MAGI2: variants seen among roughly 807,000 people sequenced by gnomAD.
MAGI2 encodes membrane associated guanylate kinase, WW and PDZ domain containing 2, also known as membrane-associated guanylate kinase, WW and PDZ domain-containing protein 2.
MAGI2 carries 35 observed loss-of-function variants against 133.3 expected under a neutral mutation model. The ratio of observed to expected loss-of-function variants is 0.26; its 90% CI spans 0.20 to 0.35. MAGI2 has a LOEUF of 0.35. MAGI2 is among the 10% of genes least tolerant of loss of function. The probability of loss-of-function intolerance (pLI) is 1.00; values close to 1 mark genes in which losing one functional copy is unlikely to be tolerated. For synonymous variants in MAGI2, 729 were observed against 710.6 expected (o/e 1.03, Z -0.41); for missense variants, 1,636 against 1,863.4 (o/e 0.88, Z 2.25).
chr7:78,297,246 C>T (rs1177609953), intron 9 of MAGI2, among the ~76,000 whole-genome samples: 1 of 152,062 alleles, frequency 6.6e-6, no homozygotes, highest in Admixed American at 6.6e-5. Flanking sequence ...CATCACTGGC[C>T]ATCAGAGAAA....
intron 2 of MAGI2, among the ~76,000 whole-genome samples, chr7:78,922,342 C>T (rs960776373): frequency 1.3e-5 from 2 of 151,814 alleles, no homozygotes; most frequent in African/African-American, 4.8e-5. Flanking sequence ...TCCCTCCCCC[C>T]TGCCCCCACC....
chr7:78,091,277 C>G (rs1375686230), intron 20 of MAGI2, among the ~76,000 whole-genome samples: 1 of 151,964 alleles, frequency 6.6e-6, no homozygotes, highest in Non-Finnish European at 1.5e-5. Context: ...GTTTTTGGGT[C>G]ATGAATGGGT....
Position 79,007,092 on chromosome 7 carries a change from G to T in MAGI2, c.416C>A (p.Pro139Gln). The T allele has an allele frequency of 6.3e-7, 1 of 1,597,908 alleles. No homozygotes were observed. The highest frequency in any genetic ancestry group is 1.3e-5 in the African/African-American group (1 of 74,142). Residue 139 changes from proline to glutamine, a missense_variant and splice_region_variant, in exon 2 of 22, where the codon CCA becomes CAA. Pro to Gln is a moderately conservative substitution (Grantham distance 76). Coordinates refer to ENST00000354212, the MANE Select transcript of MAGI2 (RefSeq NM_012301.4). ...IRDNLYLRTV[P>Q]CTTRPHKEGE... ...TTAATACTGCCCATTGTACTCACATGGCACCGTGCGGAGGTAGAGGTTGTC... is the reference window on the plus strand; with the variant it reads ...TTAATACTGCCCATTGTACTCACATTGCACCGTGCGGAGGTAGAGGTTGTC...
intron 2 of MAGI2, among the ~76,000 whole-genome samples, chr7:78,826,382 A>G (rs1790652471): frequency 6.6e-6 from 1 of 151,452 alleles, no homozygotes; most frequent in Non-Finnish European, 1.5e-5. Flanking sequence ...AGAGTATATT[A>G]ATAAGTAAAA....
chr7:79,433,770 A>G (rs1351566333), intron 1 of MAGI2, among the ~76,000 whole-genome samples: 6 of 152,304 alleles, frequency 3.9e-5, no homozygotes, highest in African/African-American at 1.4e-4. Flanking sequence ...CAAGTTCAGC[A>G]TTAAAAAATG....
chr7:79,373,093 C>A (rs1048180218), intron 1 of MAGI2, among the ~76,000 whole-genome samples: 1 of 151,924 alleles, frequency 6.6e-6, no homozygotes, highest in African/African-American at 2.4e-5. Flanking sequence ...GAATTTGCAA[C>A]TGAAATATTA....
chr7:78,392,851 C>G (rs779088317), intron 6 of MAGI2, among the ~76,000 whole-genome samples: 1 of 151,974 alleles, frequency 6.6e-6, no homozygotes, highest in African/African-American at 2.4e-5. Flanking sequence ...CCATGTTGGT[C>G]GGGCTGGTTT....
chr7:79,177,895 G>A (rs1489708930), intron 1 of MAGI2, among the ~76,000 whole-genome samples: 1 of 152,014 alleles, frequency 6.6e-6, no homozygotes, highest in Non-Finnish European at 1.5e-5. Flanking sequence ...ATTTCACAGC[G>A]TGTATGCGGT....
intron 9 of MAGI2, among the ~76,000 whole-genome samples, chr7:78,289,322 G>A (rs1335311962): frequency 6.6e-6 from 1 of 152,162 alleles, no homozygotes; most frequent in African/African-American, 2.4e-5. Flanking sequence ...ACAAGCTTCA[G>A]TAGCTGATTC....
At chr7:78,573,053 A>ATG (rs1801699818) in intron 3 of MAGI2, among the ~76,000 whole-genome samples, 1 of 100,330 alleles carries the variant, frequency 1.0e-5, no homozygotes, top group African/African-American at 4.0e-5. Context: ...ATATATATAT[A>ATG]TATATATATA....
At chr7:79,165,823 A>T (rs187240825) in intron 1 of MAGI2, among the ~76,000 whole-genome samples, 8 of 152,242 alleles carry the variant, frequency 5.3e-5, no homozygotes, top group Admixed American at 2.0e-4. Flanking sequence ...AGAAATATAC[A>T]TATTACAAAT....
At chr7:78,881,983 C>A (rs894964068) in intron 2 of MAGI2, among the ~76,000 whole-genome samples, 4 of 140,248 alleles carry the variant, frequency 2.9e-5, no homozygotes, top group Non-Finnish European at 6.1e-5. Flanking sequence ...GAAATGGAGA[C>A]CCAAAAACCC....
intron 2 of MAGI2, among the ~76,000 whole-genome samples, chr7:78,990,139 G>A (rs751525759): frequency 3.3e-5 from 5 of 151,966 alleles, no homozygotes; most frequent in Non-Finnish European, 5.9e-5. Flanking sequence ...AATACTCCCA[G>A]TGTTTCTGTG....
At chr7:78,119,356 A>G (rs981976314) in intron 20 of MAGI2, among the ~76,000 whole-genome samples, 2 of 151,934 alleles carry the variant, frequency 1.3e-5, no homozygotes, top group Non-Finnish European at 2.9e-5. Context: ...GTCAGGGGAT[A>G]GAGACCATCC....
rs139313513 is a variant in MAGI2, at chr7:78,643,184, A to G, written c.419-15945T>C. ...ATATATGGAGAAGCAGAGGGAAGTA[A>G]GATAGTCTCTAAAGTGTTGTCAAGT... On this transcript the variant is annotated intron_variant, in intron 2 of 21. Transcript: ENST00000354212. Among the ~76,000 whole-genome samples, 30 of 152,338 alleles carry G rather than the reference A, an allele frequency of 2.0e-4. 1 individual carries two copies. Among genetic ancestry groups the G allele is most frequent in the African/African-American group, 6.5e-4 (27 of 41,586 alleles).
intron 1 of MAGI2, among the ~76,000 whole-genome samples, chr7:79,334,020 GA>G (rs1451149682): frequency 2.6e-5 from 4 of 152,128 alleles, no homozygotes; most frequent in Admixed American, 2.0e-4. Flanking sequence ...AAAGAACAAT[GA>G]AATAGGTTTG....
intron 1 of MAGI2, among the ~76,000 whole-genome samples, chr7:79,440,092 T>C (rs549812636): frequency 5.9e-5 from 9 of 152,168 alleles, no homozygotes; most frequent in Non-Finnish European, 1.3e-4. Context: ...ATATTAAGAG[T>C]GCTCTTAGTT....
At chr7:78,657,999 A>C (rs1812493471) in intron 2 of MAGI2, among the ~76,000 whole-genome samples, 1 of 152,160 alleles carries the variant, frequency 6.6e-6, no homozygotes, top group South Asian at 2.1e-4. Context: ...AAGAAATCAA[A>C]CAACCAATTG....
At chr7:78,240,026 C>T (rs1022603787) in intron 10 of MAGI2, among the ~76,000 whole-genome samples, 1 of 151,390 alleles carries the variant, frequency 6.6e-6, no homozygotes, top group Non-Finnish European at 1.5e-5. Context: ...GGTACATGTG[C>T]ACAACGTGCA....
Sources: allele counts gnomAD v4.1 joint callset (sites outside exome capture counted in the v4.1 genomes callset), GRCh38; gene constraint gnomAD v4.1.1; transcripts MANE v1.5; gene names NCBI Gene and HGNC (gene_info 2026-07-23, HGNC 2026-07-21).